The following DOK6 variants were observed in gnomAD, a reference collection of about 807,000 sequenced individuals.
DOK6 encodes downstream of tyrosine kinase 6.
A neutral mutation model predicts 44.0 loss-of-function variants in DOK6; 22 were observed. That is an observed-to-expected ratio of 0.50 (90% CI 0.36 to 0.71). The LOEUF is 0.71. Ranked by LOEUF, DOK6 falls within the 30% of genes least tolerant of loss-of-function variation. The probability of loss-of-function intolerance (pLI) is 0.00; values close to 1 mark genes in which losing one functional copy is unlikely to be tolerated. For missense variants in DOK6, 340 were observed against 416.4 expected, an observed-to-expected ratio of 0.82 and a Z score of 1.60; for synonymous variants, 166 against 145.5, an observed-to-expected ratio of 1.14 and a Z score of -1.01.
intron 1 of DOK6, among the ~76,000 whole-genome samples, chr18:69,425,273 T>C (rs966278982): frequency 4.6e-5 from 7 of 151,940 alleles, no homozygotes; most frequent in Admixed American, 4.6e-4. Flanking sequence ...GTTTATATAA[T>C]AATTTTTTCT....
At chr18:69,671,951 G>GTT (rs1985807878) in intron 3 of DOK6, among the ~76,000 whole-genome samples, 2 of 152,308 alleles carry the variant, frequency 1.3e-5, no homozygotes, top group East Asian at 1.9e-4. Context: ...ATCGCTCATT[G>GTT]ATACTTAGGG....
chr18:69,548,787 C>T (rs1444723148), intron 1 of DOK6, among the ~76,000 whole-genome samples: 1 of 151,484 alleles, frequency 6.6e-6, no homozygotes, highest in African/African-American at 2.4e-5. Flanking sequence ...GTAAGAGCTT[C>T]AGTTTACTTA....
chr18:69,476,710 G>A (rs1182421426), intron 1 of DOK6, among the ~76,000 whole-genome samples: 4 of 152,358 alleles, frequency 2.6e-5, no homozygotes, highest in South Asian at 4.1e-4. Context: ...AGAAGAGGTA[G>A]CAGGAAGCAG....
intron 7 of DOK6, among the ~76,000 whole-genome samples, chr18:69,789,122 A>C (rs1980518047): frequency 6.6e-6 from 1 of 152,186 alleles, no homozygotes; most frequent in South Asian, 2.1e-4. Flanking sequence ...AAACATGACC[A>C]TGATTCAAAG....
chr18:69,404,378 A>G (rs28496482), intron 1 of DOK6, among the ~76,000 whole-genome samples: 11,288 of 152,242 alleles, frequency 0.074, 1,336 homozygotes, highest in African/African-American at 0.25. Context: ...TTTAGTAAGC[A>G]AGGCATATAT....
At chr18:69,594,086 T>C (rs1983683971) in intron 2 of DOK6, among the ~76,000 whole-genome samples, 1 of 152,202 alleles carries the variant, frequency 6.6e-6, no homozygotes. Flanking sequence ...CACGATTTAA[T>C]GTGCTTAAAA....
intron 3 of DOK6, among the ~76,000 whole-genome samples, chr18:69,626,421 A>G (rs1369799476): frequency 3.3e-5 from 5 of 152,204 alleles, no homozygotes; most frequent in African/African-American, 1.2e-4. Context: ...TTCTTTATTC[A>G]TCAAGTCAGA....
intron 1 of DOK6, among the ~76,000 whole-genome samples, chr18:69,522,517 A>C (rs1434041258): frequency 6.6e-6 from 1 of 152,076 alleles, no homozygotes; most frequent in African/African-American, 2.4e-5. Flanking sequence ...TTATGGATGG[A>C]TAATATCTTG....
At chr18:69,428,199 T>G (rs573070971) in intron 1 of DOK6, among the ~76,000 whole-genome samples, 41 of 152,156 alleles carry the variant, frequency 2.7e-4, no homozygotes, top group East Asian at 1.2e-3. Flanking sequence ...TTTTTATATA[T>G]AGAGAAAATA....
intron 7 of DOK6, among the ~76,000 whole-genome samples, chr18:69,762,819 T>A (rs1979604394): frequency 6.6e-6 from 1 of 152,184 alleles, no homozygotes; most frequent in African/African-American, 2.4e-5. Flanking sequence ...ATTTCTCTCA[T>A]CCATTGCTAG....
intron 3 of DOK6, among the ~76,000 whole-genome samples, chr18:69,653,639 C>A (rs1485287829): frequency 6.6e-6 from 1 of 152,146 alleles, no homozygotes; most frequent in Admixed American, 6.5e-5. Flanking sequence ...ACAAACTGAA[C>A]AAAAACTAGT....
Position 69,564,593 on chromosome 18 carries a change from A to G in DOK6, c.173A>G (p.Lys58Arg). Residue 58 changes from lysine to arginine, a missense_variant and splice_region_variant, in exon 2 of 8, where the codon AAG becomes AGG. This residue lies in a region of DOK6 where 206 missense variants were observed against 258.6 expected (regional missense o/e 0.80). Coordinates refer to ENST00000382713, the MANE Select transcript of DOK6 (RefSeq NM_152721.6). The part of the protein sequence containing the change: ...EKAAYFRNFH[K>R]VTELHNIKNI... ...GCAGCTTATTTCAGAAACTTTCATA[A>G]GGTAAGTCACAGTCCTGGGAGTCCC... The G allele has an allele frequency of 6.2e-7, 1 of 1,612,292 alleles. No homozygotes were observed. Among genetic ancestry groups the G allele is most frequent in the Non-Finnish European group, 8.5e-7 (1 of 1,179,122 alleles).
intron 4 of DOK6, among the ~76,000 whole-genome samples, chr18:69,684,515 G>T (rs1568332846): frequency 1.3e-5 from 2 of 152,174 alleles, no homozygotes; most frequent in Non-Finnish European, 2.9e-5. Flanking sequence ...AAGGAGAAAA[G>T]CTTATGGGGG....
intron 7 of DOK6, among the ~76,000 whole-genome samples, chr18:69,818,524 C>T (rs1469910549): frequency 6.6e-6 from 1 of 152,172 alleles, no homozygotes; most frequent in African/African-American, 2.4e-5. Flanking sequence ...AGGATTTCTC[C>T]TTCACCAGGA....
chr18:69,692,373 G>A (rs1298413884), intron 4 of DOK6, among the ~76,000 whole-genome samples: 1 of 152,236 alleles, frequency 6.6e-6, no homozygotes, highest in African/African-American at 2.4e-5. Flanking sequence ...ATAGTTGTGT[G>A]AGAGCAGGGT....
At chr18:69,402,061 G>A (rs573408599) in intron 1 of DOK6, among the ~76,000 whole-genome samples, 1 of 152,308 alleles carries the variant, frequency 6.6e-6, no homozygotes, top group South Asian at 2.1e-4. Context: ...GGACTCACGG[G>A]AGGCAGCGGG....
intron 2 of DOK6, among the ~76,000 whole-genome samples, chr18:69,587,795 G>C (rs866094897): frequency 9.5e-5 from 4 of 42,062 alleles, no homozygotes; most frequent in African/African-American, 2.6e-4. Flanking sequence ...ACACACACAC[G>C]AGAAGTAAGT....
intron 3 of DOK6, 57 bp downstream of exon 3, chr18:69,599,555 G>T: frequency 7.1e-7 from 1 of 1,412,702 alleles, no homozygotes; most frequent in Non-Finnish European, 9.9e-7. Flanking sequence ...GTGAGACAAT[G>T]GCCCAGGCGG....
At chr18:69,532,361 A>T (rs1310249481) in intron 1 of DOK6, among the ~76,000 whole-genome samples, 1 of 152,146 alleles carries the variant, frequency 6.6e-6, no homozygotes, top group Non-Finnish European at 1.5e-5. Context: ...TATTTTTATG[A>T]TTCTGCATGC....
Sources: allele counts gnomAD v4.1 joint callset (sites outside exome capture counted in the v4.1 genomes callset), GRCh38; gene constraint gnomAD v4.1.1; regional missense constraint gnomAD v4.1.1; transcripts MANE v1.5; gene names NCBI Gene and HGNC (gene_info 2026-07-23, HGNC 2026-07-21).